The following SHISA9 variants were observed in gnomAD, a reference collection of about 807,000 sequenced individuals.
The protein encoded by SHISA9 is protein shisa-9.
Under a neutral mutation model 38.0 loss-of-function variants are expected in SHISA9, and 13 were observed. The observed-to-expected ratio is 0.34, with a 90% CI of 0.22 to 0.54. SHISA9 has a LOEUF of 0.54. SHISA9 is among the 20% of genes least tolerant of loss of function. The pLI is 0.91. For missense variants in SHISA9, 538 were observed against 575.8 expected (o/e 0.93, Z 0.67); for synonymous variants, 275 against 242.0 (o/e 1.14, Z -1.27).
chr16:13,511,056 A>G, the SHISA9 span, among the ~76,000 whole-genome samples: 5 of 152,374 alleles, frequency 3.3e-5, no homozygotes, highest in Middle Eastern at 6.8e-3. Context: ...TCATCACTAC[A>G]TTAGCCATGT....
intron 3 of SHISA9, among the ~76,000 whole-genome samples, chr16:13,204,192 C>G (rs1158558341): frequency 6.8e-6 from 1 of 147,062 alleles, no homozygotes; most frequent in Non-Finnish European, 1.5e-5. Flanking sequence ...TTTCTATCTA[C>G]CTATTATCTG....
At chr16:13,324,466 A>G in the SHISA9 span, among the ~76,000 whole-genome samples, 1 of 152,112 alleles carries the variant, frequency 6.6e-6, no homozygotes, top group Non-Finnish European at 1.5e-5. Context: ...CACAAGCTCT[A>G]GATTAAGGCA....
At chr16:13,147,031 T>C (rs150801894) in intron 2 of SHISA9, among the ~76,000 whole-genome samples, 1 of 152,306 alleles carries the variant, frequency 6.6e-6, no homozygotes, top group African/African-American at 2.4e-5. Flanking sequence ...AATGAATGAA[T>C]GAATGAGTGA....
chr16:13,226,418 A>G (rs1487208574), intron 4 of SHISA9, among the ~76,000 whole-genome samples: 2 of 152,238 alleles, frequency 1.3e-5, no homozygotes, highest in African/African-American at 4.8e-5. Context: ...TTAAATGAAT[A>G]GGCATGAATG....
intron 2 of SHISA9, among the ~76,000 whole-genome samples, chr16:12,994,868 A>G (rs1308733111): frequency 1.3e-5 from 2 of 152,130 alleles, no homozygotes; most frequent in Non-Finnish European, 2.9e-5. Flanking sequence ...CCAAGAATTC[A>G]GTTTTAGTCT....
rs78046071 is a variant in SHISA9, at chr16:13,229,268, C to A, written c.896-5762C>A. On this transcript the variant is annotated intron_variant, in intron 4 of 4. Coordinates refer to ENST00000558583, the MANE Select transcript of SHISA9 (RefSeq NM_001145204.3). ...CATCTTGGAACGCTAGTGAGTGAGA[C>A]GGATGATAATGAATGAACTGCACAA... Among the ~76,000 whole-genome samples the A allele has an allele frequency of 1.3e-3, 198 of 152,266 alleles. 2 individuals are homozygous for A. Among genetic ancestry groups the A allele is most frequent in the African/African-American group, 4.5e-3 (189 of 41,548 alleles).
the SHISA9 span, among the ~76,000 whole-genome samples, chr16:13,287,696 T>G: frequency 6.6e-6 from 1 of 152,148 alleles, no homozygotes; most frequent in Non-Finnish European, 1.5e-5. Flanking sequence ...CATCAGGTTT[T>G]GGATGTAGAG....
At chr16:13,383,951 G>A in the SHISA9 span, among the ~76,000 whole-genome samples, 16 of 152,070 alleles carry the variant, frequency 1.1e-4, no homozygotes, top group Non-Finnish European at 1.0e-4. Context: ...CACCGTGCCC[G>A]GCCAACACCA....
the SHISA9 span, among the ~76,000 whole-genome samples, chr16:13,276,667 G>A: frequency 0.071 from 10,850 of 152,060 alleles, 1,300 homozygotes; most frequent in African/African-American, 0.25. Flanking sequence ...CTGATCATTA[G>A]TGATTTTGAA....
At chr16:12,927,255 G>C (rs146684131) in intron 2 of SHISA9, among the ~76,000 whole-genome samples, 6 of 152,324 alleles carry the variant, frequency 3.9e-5, no homozygotes, top group African/African-American at 1.2e-4. Flanking sequence ...TGTTACATTA[G>C]TCTGAGAATG....
chr16:13,316,481 CA>C, the SHISA9 span, among the ~76,000 whole-genome samples: 2 of 152,272 alleles, frequency 1.3e-5, no homozygotes, highest in African/African-American at 4.8e-5. Flanking sequence ...TTTGAGCCCA[CA>C]ATCATGGAAT....
In SHISA9 at chr16:12,928,421, C is replaced by G. The variant is rs186201914; in HGVS notation, c.691+11606C>G. On this transcript the variant is annotated intron_variant, in intron 2 of 4. Coordinates refer to ENST00000558583, the MANE Select transcript of SHISA9 (RefSeq NM_001145204.3). The stretch of plus-strand genomic sequence containing the variant: ...AATGACACTGAGGTCTAGGAAGAAG[C>G]ATGAGCTTCCCTTAAGGTACACAAC... 2.4e-3 allele frequency among the ~76,000 whole-genome samples: 369 copies of G among 152,208 alleles called. 1 individual carries two copies. Among genetic ancestry groups the G allele is most frequent in the African/African-American group, 8.5e-3 (354 of 41,534 alleles).
At chr16:12,937,670 T>C (rs1171286260) in intron 2 of SHISA9, among the ~76,000 whole-genome samples, 2 of 152,202 alleles carry the variant, frequency 1.3e-5, no homozygotes, top group Non-Finnish European at 2.9e-5. Flanking sequence ...GAGAGAGCAC[T>C]CTGGTGTTTC....
At chr16:13,243,778 T>TTG (rs2051452380), downstream of SHISA9, among the ~76,000 whole-genome samples, 1 of 145,926 alleles carries the variant, frequency 6.9e-6, no homozygotes, top group South Asian at 2.3e-4. Context: ...CGTTTTTTTT[T>TTG]TTTTTTTTTT....
At chr16:13,475,335 C>CATATGTG in the SHISA9 span, among the ~76,000 whole-genome samples, 9 of 150,512 alleles carry the variant, frequency 6.0e-5, no homozygotes, top group African/African-American at 2.2e-4. Flanking sequence ...ATATATATCA[C>CATATGTG]ATATATATGT....
intron 4 of SHISA9, among the ~76,000 whole-genome samples, chr16:13,230,125 A>G (rs1327792926): frequency 6.6e-6 from 1 of 152,216 alleles, no homozygotes; most frequent in African/African-American, 2.4e-5. Context: ...GAGAGGAGAC[A>G]GAAAAGAAGG....
chr16:13,394,926 GGGGTGT>G, the SHISA9 span, among the ~76,000 whole-genome samples: 6 of 115,678 alleles, frequency 5.2e-5, no homozygotes, highest in African/African-American at 2.1e-4. Context: ...AGCAGTATCT[GGGGTGT>G]GTGTGTGTGT....
At chr16:13,446,409 C>G in the SHISA9 span, among the ~76,000 whole-genome samples, 1 of 152,124 alleles carries the variant, frequency 6.6e-6, no homozygotes, top group African/African-American at 2.4e-5. Context: ...ACTAAAAATT[C>G]TTGCCCACAA....
chr16:12,998,319 A>G (rs1464181636), intron 2 of SHISA9, among the ~76,000 whole-genome samples: 4 of 152,320 alleles, frequency 2.6e-5, no homozygotes, highest in African/African-American at 7.2e-5. Context: ...GACAATTGAC[A>G]TTTATTTCTT....
Sources: allele counts gnomAD v4.1 joint callset (sites outside exome capture counted in the v4.1 genomes callset), GRCh38; gene constraint gnomAD v4.1.1; transcripts MANE v1.5; gene names NCBI Gene and HGNC (gene_info 2026-07-23, HGNC 2026-07-21).